The following PER3 variants were observed in gnomAD, a reference collection of about 807,000 sequenced individuals.
The protein encoded by PER3 is period circadian protein homolog 3.
A neutral mutation model predicts 127.2 loss-of-function variants in PER3; 107 were observed. The observed-to-expected ratio is 0.84, with a 90% CI of 0.72 to 0.99. The LOEUF (loss-of-function observed/expected upper bound fraction) is 0.99. Among genes scored for constraint, PER3 ranks in the 50% least tolerant of loss-of-function variants. The pLI is 0.00. For missense variants in PER3, 1,560 were observed against 1,525.8 expected, an observed-to-expected ratio of 1.02 and a Z score of -0.37; for synonymous variants, 618 against 585.8, an observed-to-expected ratio of 1.05 and a Z score of -0.79.
In PER3 at chr1:7,784,363, G is replaced by T; in HGVS notation, c.-238G>T. The T allele has an allele frequency of 6.6e-6, 1 of 151,666 alleles. No homozygotes were observed. The highest frequency in any genetic ancestry group is 2.0e-4 in the South Asian group (1 of 4,958). 9.4% of individuals were successfully genotyped at this position (151,666 alleles called of 1,614,324 possible). A position where few individuals can be genotyped will look rare whatever the true frequency, so the allele number is the denominator to read the frequency against. On this transcript the variant is annotated 5_prime_UTR_variant, in exon 1 of 22. Coordinates refer to ENST00000377532, the MANE Select transcript of PER3 (RefSeq NM_001377275.1). ...GCGAGCGGCTGTGCGCGGGGCCAAG[G>T]GCGGGGGCAGCAGGTGAGTGCGCGG...
At chr1:7,816,377 T>C (rs2097251547) in intron 13 of PER3, among the ~76,000 whole-genome samples, 1 of 152,164 alleles carries the variant, frequency 6.6e-6, no homozygotes, top group African/African-American at 2.4e-5. Flanking sequence ...CTGATAACTA[T>C]GGCCATACCA....
In PER3 at chr1:7,827,433, T is replaced by A. The variant is rs228696; in HGVS notation, c.2504T>A (p.Leu835Gln). Residue 835 changes from leucine to glutamine, a missense_variant, in exon 18 of 22, where the codon CTG becomes CAG. Around this residue, in one of 3 missense-constraint regions of PER3, gnomAD observed 1,332 missense variants for 1,223.6 expected, o/e 1.09. Coordinates refer to ENST00000377532, the MANE Select transcript of PER3 (RefSeq NM_001377275.1). The stretch of plus-strand genomic sequence containing the variant: ...ACTGCACCGGAAGGCCTGCATGGGC[T>A]GCCCTTGTCCGAGGGCTTGCAGCCT... ...PGTAPEGLHG[L>Q]PLSEGLQPYP... 2.5e-6 allele frequency: 4 copies of A among 1,614,196 alleles called. No individual in the cohort carries two copies. The highest frequency in any genetic ancestry group is 3.4e-6 in the Non-Finnish European group (4 of 1,180,034).
At chr1:7,810,374 T>G (rs1305833740) in intron 12 of PER3, 64 bp from the exon 13 acceptor site, 4 of 1,166,524 alleles carry the variant, frequency 3.4e-6, no homozygotes, top group Non-Finnish European at 4.9e-6. Flanking sequence ...GTATTTTGTT[T>G]ATGTATCTTT....
Position 7,793,945 on chromosome 1 carries a change from C to G in PER3, c.593-12C>G. ...TAAGAGGGAGTGACTGACCAGGCATCTTTCTTTCTAGCAGCTGCACGGTAT... is the reference window on the plus strand; with the variant it reads ...TAAGAGGGAGTGACTGACCAGGCATGTTTCTTTCTAGCAGCTGCACGGTAT... On this transcript the variant is annotated splice_polypyrimidine_tract_variant and intron_variant, in intron 5 of 21. Transcript: ENST00000377532. 6.2e-7 allele frequency: 1 copy of G among 1,612,772 alleles called. No individual in the cohort carries two copies. Among genetic ancestry groups the G allele is most frequent in the African/African-American group, 1.3e-5 (1 of 75,014 alleles).
chr1:7,837,663 T>C (rs1395168714), intron 21 of PER3, among the ~76,000 whole-genome samples: 1 of 152,236 alleles, frequency 6.6e-6, no homozygotes, highest in Non-Finnish European at 1.5e-5. Flanking sequence ...AAGCTTTGAT[T>C]TACCAATGGT....
At chr1:7,788,421 T>A in intron 5 of PER3, 175 bp downstream of exon 5, 2 of 593,006 alleles carry the variant, frequency 3.4e-6, no homozygotes, top group Non-Finnish European at 6.0e-6. Flanking sequence ...TCTGATAACA[T>A]ACTCAATACG....
In PER3 at chr1:7,843,328, G is replaced by A. The variant is rs2097399712; in HGVS notation, c.*573G>A. The A allele has an allele frequency of 1.3e-5, 2 of 152,690 alleles. No homozygotes were observed. The highest frequency in any genetic ancestry group is 4.8e-5 in the African/African-American group (2 of 41,416). 9.5% of individuals were successfully genotyped at this position (152,690 alleles called of 1,614,324 possible). A position where few individuals can be genotyped will look rare whatever the true frequency, so the allele number is the denominator to read the frequency against. On this transcript the variant is annotated 3_prime_UTR_variant, in exon 22 of 22. Coordinates refer to ENST00000377532, the MANE Select transcript of PER3 (RefSeq NM_001377275.1). The stretch of plus-strand genomic sequence containing the variant: ...GCATATCTGGGATAACCAGGTTTTG[G>A]GGGTTGAGTTTTGGCCTTCATCCTT...
chr1:7,792,577 C>G (rs887144153), intron 5 of PER3, among the ~76,000 whole-genome samples: 7 of 152,222 alleles, frequency 4.6e-5, no homozygotes, highest in Non-Finnish European at 8.8e-5. Flanking sequence ...AGGATTGATA[C>G]TGAGAGCAGT....
At chr1:7,822,861 C>G (rs935744639) in intron 16 of PER3, among the ~76,000 whole-genome samples, 5 of 152,118 alleles carry the variant, frequency 3.3e-5, no homozygotes, top group African/African-American at 1.2e-4. Context: ...GAGTTTGAGA[C>G]CAGCCTGGGC....
intron 21 of PER3, among the ~76,000 whole-genome samples, chr1:7,838,516 C>G (rs1030095247): frequency 2.6e-5 from 4 of 152,112 alleles, no homozygotes; most frequent in East Asian, 1.9e-4. Flanking sequence ...TCAAGTGATT[C>G]TCCTGCCTCA....
chr1:7,815,645 A>T (rs2097244943), intron 13 of PER3, among the ~76,000 whole-genome samples: 1 of 152,170 alleles, frequency 6.6e-6, no homozygotes, highest in African/African-American at 2.4e-5. Context: ...AAATAACTTC[A>T]TACTTACAAA....
intron 5 of PER3, among the ~76,000 whole-genome samples, chr1:7,789,863 C>G (rs2097110820): frequency 6.6e-6 from 1 of 152,224 alleles, no homozygotes; most frequent in Non-Finnish European, 1.5e-5. Context: ...TTGCTTCTAG[C>G]TCATCTCTTT....
intron 21 of PER3, among the ~76,000 whole-genome samples, chr1:7,837,386 C>T (rs2151286912): frequency 6.6e-6 from 1 of 152,206 alleles, no homozygotes; most frequent in Non-Finnish European, 1.5e-5. Flanking sequence ...TTTTTGCCTC[C>T]AGGTGGTTTT....
At chr1:7,824,756 TAC>T (rs1558454123) in intron 16 of PER3, among the ~76,000 whole-genome samples, 1 of 152,234 alleles carries the variant, frequency 6.6e-6, no homozygotes, top group African/African-American at 2.4e-5. Context: ...TTTCCTCTGC[TAC>T]AAAGGCGAGA....
At chr1:7,820,808 G>A (rs954258486) in intron 16 of PER3, among the ~76,000 whole-genome samples, 168 bp downstream of exon 16, 7 of 152,144 alleles carry the variant, frequency 4.6e-5, no homozygotes, top group African/African-American at 1.4e-4. Context: ...TCATGTTTAT[G>A]TTGGTTACAT....
Position 7,827,445 on chromosome 1 carries a change from A to G in PER3, c.2516A>G (p.Glu839Gly). 6.2e-7 allele frequency: 1 copy of G among 1,614,164 alleles called. No homozygotes were observed. The highest frequency in any genetic ancestry group is 1.1e-5 in the South Asian group (1 of 91,082). ...PEGLHGLPLS[E>G]GLQPYPAFPF... ...GGCCTGCATGGGCTGCCCTTGTCCG[A>G]GGGCTTGCAGCCTTACCCAGCTTTC... The change falls in exon 18 of 22, where the codon GAG becomes GGG. Residue 839 changes from glutamate (E) to glycine (G), a missense_variant. Physicochemically the swap from Glu to Gly is moderately conservative, Grantham distance 98 (BLOSUM62 -2). This residue lies in a region of PER3 where 1,332 missense variants were observed against 1,223.6 expected (regional missense o/e 1.09). Coordinates refer to ENST00000377532, the MANE Select transcript of PER3 (RefSeq NM_001377275.1).
At chr1:7,838,771 A>C (rs2097369947) in intron 21 of PER3, among the ~76,000 whole-genome samples, 1 of 151,818 alleles carries the variant, frequency 6.6e-6, no homozygotes, top group Admixed American at 6.6e-5. Context: ...AGACGTACCT[A>C]CTCTCTTGGT....
In PER3 at chr1:7,827,391, A is replaced by G; in HGVS notation, c.2462A>G (p.Glu821Gly). 1 of 1,614,138 alleles carries G rather than the reference A, an allele frequency of 6.2e-7. No individual in the cohort carries two copies. The highest frequency in any genetic ancestry group is 8.5e-7 in the Non-Finnish European group (1 of 1,180,042). The change falls in exon 18 of 22, where the codon GAA becomes GGA. Residue 821 changes from glutamate (E) to glycine (G), a missense_variant. Transcript: ENST00000377532. Reference protein sequence around the residue: ...PLPAATSPGREYAAPGTAPEG... With the variant: ...PLPAATSPGRGYAAPGTAPEG... The stretch of plus-strand genomic sequence containing the variant: ...CCAGCCGCGACCTCACCCGGAAGAG[A>G]ATACGCAGCCCCCGGAACTGCACCG...
chr1:7,836,963 T>C (rs748691742), intron 20 of PER3, 36 bp from the exon 21 acceptor site: 15 of 1,571,084 alleles, frequency 9.5e-6, no homozygotes, highest in African/African-American at 1.4e-5. Flanking sequence ...CTGTGTCTTA[T>C]TCAGGACTAT....
Sources: gnomAD v4.1 joint callset for allele counts (sites outside exome capture counted in the v4.1 genomes callset) on GRCh38, gnomAD v4.1.1 for gene constraint, gnomAD v4.1.1 regional missense constraint, MANE v1.5 for transcripts, NCBI Gene and HGNC (gene_info 2026-07-23, HGNC 2026-07-21) for gene names.